The following F13A1 variants were observed in gnomAD, a reference collection of about 807,000 sequenced individuals.
The protein encoded by F13A1 is coagulation factor XIII A chain, also known as FSF, A subunit.
Under a neutral mutation model 80.1 loss-of-function variants are expected in F13A1, and 47 were observed. The ratio of observed to expected loss-of-function variants is 0.59; its 90% confidence interval spans 0.46 to 0.75. F13A1 has a LOEUF of 0.75. F13A1 is among the 30% of genes least tolerant of loss of function. F13A1 has a pLI of 0.00. For synonymous variants in F13A1, 349 were observed against 344.9 expected, an observed-to-expected ratio of 1.01 and a Z score of -0.13; for missense variants, 817 against 930.4, an observed-to-expected ratio of 0.88 and a Z score of 1.59.
chr6:6,226,586 C>A (rs992099901), intron 6 of F13A1, among the ~76,000 whole-genome samples: 1 of 152,136 alleles, frequency 6.6e-6, no homozygotes, highest in African/African-American at 2.4e-5. Context: ...TGCCTAGACC[C>A]CTCTTTTTGA....
intron 6 of F13A1, among the ~76,000 whole-genome samples, chr6:6,239,315 T>C (rs1216133164): frequency 6.6e-6 from 1 of 152,062 alleles, no homozygotes; most frequent in Non-Finnish European, 1.5e-5. Context: ...AGCTACCTAA[T>C]GAGGTGGGGA....
chr6:6,264,435 T>C (rs1757817031), intron 4 of F13A1, among the ~76,000 whole-genome samples: 1 of 152,212 alleles, frequency 6.6e-6, no homozygotes, highest in African/African-American at 2.4e-5. Flanking sequence ...TAAATACAAT[T>C]TTCTTAGAAT....
intron 8 of F13A1, among the ~76,000 whole-genome samples, chr6:6,200,787 C>G (rs745335955): frequency 2.0e-5 from 3 of 152,090 alleles, no homozygotes; most frequent in Non-Finnish European, 2.9e-5. Context: ...ATGTGGGAAG[C>G]AAGGCAGGGT....
intron 6 of F13A1, among the ~76,000 whole-genome samples, chr6:6,230,819 G>T (rs1757341337): frequency 6.6e-6 from 1 of 152,192 alleles, no homozygotes; most frequent in Admixed American, 6.5e-5. Context: ...GACTTGCTGG[G>T]TGGGTAGACC....
intron 5 of F13A1, among the ~76,000 whole-genome samples, chr6:6,249,734 G>A (rs1351030804): frequency 6.6e-6 from 1 of 152,148 alleles, no homozygotes; most frequent in Non-Finnish European, 1.5e-5. Context: ...CCAAGACAAG[G>A]GCATCAGGCA....
intron 2 of F13A1, among the ~76,000 whole-genome samples, chr6:6,314,018 A>G (rs1742947): frequency 0.73 from 104,049 of 142,662 alleles, 38,475 homozygotes; most frequent in East Asian, 0.86. Flanking sequence ...TCTTGGTCTT[A>G]TCGCCCAGGC....
intron 3 of F13A1, among the ~76,000 whole-genome samples, chr6:6,299,602 G>A (rs990180690): frequency 1.6e-4 from 22 of 139,824 alleles, no homozygotes; most frequent in Non-Finnish European, 3.3e-4. Context: ...AGCTCCATCA[G>A]CTCCTTTAAG....
intron 3 of F13A1, among the ~76,000 whole-genome samples, chr6:6,272,490 A>C (rs1293324263): frequency 6.6e-6 from 1 of 151,858 alleles, no homozygotes; most frequent in Non-Finnish European, 1.5e-5. Flanking sequence ...AACTCAGGAC[A>C]CTCCCACTTC....
At chr6:6,319,041 C>T (rs1475712800) in intron 1 of F13A1, among the ~76,000 whole-genome samples, 1 of 152,206 alleles carries the variant, frequency 6.6e-6, no homozygotes, top group Non-Finnish European at 1.5e-5. Flanking sequence ...CTGTTATATG[C>T]ATGTGCTGTA....
At chr6:6,320,470 C>T in intron 1 of F13A1, 117 bp downstream of exon 1, 1 of 332,416 alleles carries the variant, frequency 3.0e-6, no homozygotes, top group Non-Finnish European at 6.2e-6. Context: ...GTGGAGCTGC[C>T]TGTGACCGGC....
intron 4 of F13A1, among the ~76,000 whole-genome samples, chr6:6,256,780 A>G (rs928666049): frequency 2.0e-5 from 3 of 152,128 alleles, no homozygotes; most frequent in African/African-American, 4.8e-5. Flanking sequence ...GAGAAGGAAG[A>G]TCATTCATCA....
chr6:6,269,958 C>T (rs534623553), intron 3 of F13A1, among the ~76,000 whole-genome samples: 2 of 152,204 alleles, frequency 1.3e-5, no homozygotes, highest in South Asian at 2.1e-4. Flanking sequence ...ATGATCTGCC[C>T]GCCTAGGCCT....
At chr6:6,195,428 G>A (rs193153548) in intron 10 of F13A1, among the ~76,000 whole-genome samples, 1 of 152,328 alleles carries the variant, frequency 6.6e-6, no homozygotes, top group Non-Finnish European at 1.5e-5. Flanking sequence ...GTCCCAGAGG[G>A]AAGTGGCATG....
intron 4 of F13A1, among the ~76,000 whole-genome samples, chr6:6,252,508 A>ATTTT (rs1362662307): frequency 6.6e-6 from 1 of 152,156 alleles, no homozygotes; most frequent in East Asian, 1.9e-4. Flanking sequence ...TTACTTGAAA[A>ATTTT]TGCTAAGGCA....
chr6:6,191,603 ATG>A, intron 10 of F13A1, among the ~76,000 whole-genome samples: 1 of 152,206 alleles, frequency 6.6e-6, no homozygotes, highest in Non-Finnish European at 1.5e-5. Context: ...GGCCCATAGA[ATG>A]TGAACATTTG....
intron 8 of F13A1, among the ~76,000 whole-genome samples, chr6:6,210,657 T>C (rs760588187): frequency 4.6e-5 from 7 of 151,952 alleles, no homozygotes; most frequent in Non-Finnish European, 8.8e-5. Context: ...GCCTCCTAAA[T>C]TGCTGGGATT....
intron 8 of F13A1, among the ~76,000 whole-genome samples, chr6:6,211,133 G>A (rs147523973): frequency 5.1e-4 from 78 of 152,324 alleles, no homozygotes; most frequent in Middle Eastern, 3.4e-3. Flanking sequence ...TTAAGTTACC[G>A]TGCCACTAAC....
At chr6:6,209,983 T>C (rs1761572954) in intron 8 of F13A1, among the ~76,000 whole-genome samples, 1 of 151,690 alleles carries the variant, frequency 6.6e-6, no homozygotes, top group African/African-American at 2.4e-5. Flanking sequence ...CCCAGCACTC[T>C]GGGAGGCTGA....
chr6:6,300,538 G>A (rs564358275), intron 3 of F13A1, among the ~76,000 whole-genome samples: 14 of 152,020 alleles, frequency 9.2e-5, no homozygotes, highest in East Asian at 7.8e-4. Flanking sequence ...TCTTTGACTC[G>A]GAAAGGGAAC....
Sources: allele counts gnomAD v4.1 joint callset (sites outside exome capture counted in the v4.1 genomes callset), GRCh38; gene constraint gnomAD v4.1.1; transcripts MANE v1.5; gene names NCBI Gene and HGNC (gene_info 2026-07-23, HGNC 2026-07-21).